Variants in ATG5 observed in about 807,000 individuals in gnomAD.
The protein encoded by ATG5 is autophagy related 5.
Under a neutral mutation model 36.5 loss-of-function variants are expected in ATG5, and 14 were observed. The observed-to-expected ratio is 0.38, with a 90% CI of 0.25 to 0.60. The LOEUF is 0.60. Among genes scored for constraint, ATG5 ranks in the 20% least tolerant of loss-of-function variants. The pLI is 0.60. For synonymous variants in ATG5, 95 were observed against 101.5 expected, an observed-to-expected ratio of 0.94 and a Z score of 0.38; for missense variants, 195 against 326.7, an observed-to-expected ratio of 0.60 and a Z score of 3.11.
At chr6:106,237,274 T>C (rs541274250) in intron 6 of ATG5, among the ~76,000 whole-genome samples, 2 of 152,310 alleles carry the variant, frequency 1.3e-5, no homozygotes, top group East Asian at 1.9e-4. Context: ...TCTTTAATCC[T>C]TTAAAATTCA....
chr6:106,321,566 G>T (rs1485375243), intron 1 of ATG5, among the ~76,000 whole-genome samples: 1 of 152,010 alleles, frequency 6.6e-6, no homozygotes, highest in Non-Finnish European at 1.5e-5. Context: ...CACCGTGTTA[G>T]CCAGGATGGT....
intron 6 of ATG5, among the ~76,000 whole-genome samples, chr6:106,239,638 C>T (rs1031773402): frequency 1.3e-5 from 2 of 152,080 alleles, no homozygotes; most frequent in African/African-American, 4.8e-5. Context: ...ATAAAGAATC[C>T]AGAATTAGAT....
intron 6 of ATG5, among the ~76,000 whole-genome samples, chr6:106,204,865 C>T (rs902868866): frequency 3.3e-5 from 5 of 152,144 alleles, no homozygotes; most frequent in African/African-American, 1.2e-4. Context: ...CAGACTAATA[C>T]ATTCTTCAAT....
intron 3 of ATG5, among the ~76,000 whole-genome samples, chr6:106,300,192 C>A (rs1193952174): frequency 6.6e-6 from 1 of 152,064 alleles, no homozygotes; most frequent in East Asian, 1.9e-4. Flanking sequence ...ATTATTGGAA[C>A]GCTAAGCTTG....
intron 4 of ATG5, among the ~76,000 whole-genome samples, chr6:106,287,579 TCAG>T (rs761409884): frequency 1.3e-5 from 2 of 152,154 alleles, no homozygotes; most frequent in Non-Finnish European, 1.5e-5. Flanking sequence ...ACGCACCAAA[TCAG>T]CACCATGTTA....
chr6:106,233,767 C>A (rs1777779919), intron 6 of ATG5, among the ~76,000 whole-genome samples: 1 of 152,156 alleles, frequency 6.6e-6, no homozygotes. Context: ...CGTAAATCCC[C>A]ATGGCCCTCC....
chr6:106,306,637 A>C (rs979413386), intron 3 of ATG5, among the ~76,000 whole-genome samples: 55 of 152,358 alleles, frequency 3.6e-4, no homozygotes, highest in African/African-American at 1.2e-3. Context: ...CCCGCTAGTC[A>C]CACAAAATTC....
intron 6 of ATG5, among the ~76,000 whole-genome samples, chr6:106,223,698 C>T (rs1321038931): frequency 1.3e-5 from 2 of 152,142 alleles, no homozygotes; most frequent in Non-Finnish European, 2.9e-5. Flanking sequence ...CAATCCTTGT[C>T]CTTGAGGAAT....
chr6:106,226,269 G>C (rs545906747), intron 6 of ATG5, among the ~76,000 whole-genome samples: 4 of 152,140 alleles, frequency 2.6e-5, no homozygotes, highest in Non-Finnish European at 5.9e-5. Flanking sequence ...GAAAGAATTA[G>C]TTCAGGAAAG....
At position 106,186,532 on chromosome 6, in the gene ATG5, T is replaced by C. The variant is rs369833045; in HGVS notation, c.*8A>G. On this transcript the variant is annotated 3_prime_UTR_variant, in exon 8 of 8. Transcript: ENST00000369076. The stretch of plus-strand genomic sequence containing the variant: ...AGGATGATTCTGTTCAGGCAAATAG[T>C]TGATCCTTCAATCTGTTGGCTGTGG... The C allele has an allele frequency of 1.2e-6, 2 of 1,613,036 alleles. No individual in the cohort carries two copies. Among genetic ancestry groups the C allele is most frequent in the Non-Finnish European group, 1.7e-6 (2 of 1,179,154 alleles).
chr6:106,233,376 AT>A (rs1012133964), intron 6 of ATG5, among the ~76,000 whole-genome samples: 8 of 152,210 alleles, frequency 5.3e-5, no homozygotes, highest in Non-Finnish European at 1.2e-4. Flanking sequence ...GCCAATACCC[AT>A]TTAGTAAGAT....
intron 4 of ATG5, among the ~76,000 whole-genome samples, chr6:106,284,693 C>T (rs1780007486): frequency 1.3e-5 from 2 of 150,520 alleles, no homozygotes; most frequent in African/African-American, 4.9e-5. Context: ...ATCTAGAGGG[C>T]GTGAAGGGGT....
At chr6:106,283,944 C>T (rs1433828016) in intron 4 of ATG5, among the ~76,000 whole-genome samples, 1 of 152,136 alleles carries the variant, frequency 6.6e-6, no homozygotes, top group Admixed American at 6.5e-5. Context: ...AATGTGCAGT[C>T]TTTTGTGTCT....
At chr6:106,211,826 T>TA (rs1776862372) in intron 6 of ATG5, among the ~76,000 whole-genome samples, 1 of 152,228 alleles carries the variant, frequency 6.6e-6, no homozygotes, top group South Asian at 2.1e-4. Flanking sequence ...ATTATATTGA[T>TA]AATTTATGTA....
At chr6:106,189,908 G>C (rs893076595) in intron 7 of ATG5, among the ~76,000 whole-genome samples, 2 of 152,024 alleles carry the variant, frequency 1.3e-5, no homozygotes, top group South Asian at 2.1e-4. Context: ...AAAATCAAGT[G>C]AACTAGTTCT....
At chr6:106,287,358 A>C (rs1011066266) in intron 4 of ATG5, among the ~76,000 whole-genome samples, 19 of 152,256 alleles carry the variant, frequency 1.2e-4, no homozygotes, top group Admixed American at 1.3e-4. Flanking sequence ...GGCTTTTTCA[A>C]GCATGGTAAG....
intron 5 of ATG5, among the ~76,000 whole-genome samples, chr6:106,248,885 C>T (rs897158363): frequency 6.6e-6 from 1 of 152,068 alleles, no homozygotes; most frequent in African/African-American, 2.4e-5. Flanking sequence ...TTGTGGTGAG[C>T]CGAGATCACG....
intron 1 of ATG5, among the ~76,000 whole-genome samples, chr6:106,321,397 C>T (rs1016139460): frequency 2.7e-5 from 4 of 150,276 alleles, no homozygotes; most frequent in Non-Finnish European, 4.4e-5. Flanking sequence ...CTCGCTCTGT[C>T]GCTCAGGATG....
At chr6:106,288,869 T>C (rs1780189594) in intron 4 of ATG5, among the ~76,000 whole-genome samples, 1 of 152,120 alleles carries the variant, frequency 6.6e-6, no homozygotes, top group Non-Finnish European at 1.5e-5. Context: ...TTAGAGGAAA[T>C]ATGTCTGTTT....
Sources: allele counts gnomAD v4.1 joint callset (sites outside exome capture counted in the v4.1 genomes callset), GRCh38; gene constraint gnomAD v4.1.1; transcripts MANE v1.5; gene names NCBI Gene and HGNC (gene_info 2026-07-23, HGNC 2026-07-21).